Variants in DLG1 observed in about 807,000 individuals in gnomAD.
The protein encoded by DLG1 is discs large MAGUK scaffold protein 1, also known as disks large homolog 1.
In DLG1, 42 loss-of-function variants were observed where a neutral mutation model predicts 123.4. The ratio of observed to expected loss-of-function variants is 0.34; its 90% CI spans 0.27 to 0.44. DLG1 has a LOEUF of 0.44. Among genes scored for constraint, DLG1 ranks in the 20% least tolerant of loss-of-function variants. The pLI is 1.00. For missense variants in DLG1, 942 were observed against 1,082.6 expected (o/e 0.87, Z 1.82); for synonymous variants, 317 against 356.2 (o/e 0.89, Z 1.24).
chr3:197,207,573 A>T (rs1032071679), intron 4 of DLG1, among the ~76,000 whole-genome samples: 5 of 152,220 alleles, frequency 3.3e-5, no homozygotes, highest in African/African-American at 9.6e-5. Context: ...AAAAAAAGAA[A>T]GTCTATAGAT....
rs1158696537 is a variant in DLG1 at position 197,282,710 on chromosome 3, G to C, written c.287C>G (p.Thr96Arg). The change falls in exon 4 of 25, where the codon ACA (threonine) becomes AGA (arginine). Residue 96 changes from threonine (T) to arginine (R), a missense_variant. Physicochemically the swap from Thr to Arg is moderately conservative, Grantham distance 71. Transcript: ENST00000667157. ...SLPSSTVTSETLPSSLSPSVE... is the reference protein window; with the variant it reads ...SLPSSTVTSERLPSSLSPSVE... ...ACTAGGGCTAAGGCTGCTTGGCAGT[G>C]TCTCTGAAGTCACAGTAGAGCTTGG... is the stretch of plus-strand genomic sequence containing the variant. 6.2e-7 allele frequency: 1 copy of C among 1,608,494 alleles called. No individual in the cohort carries two copies. Among genetic ancestry groups the C allele is most frequent in the Non-Finnish European group, 8.5e-7 (1 of 1,178,138 alleles).
intron 10 of DLG1, among the ~76,000 whole-genome samples, chr3:197,133,152 C>G (rs906348495): frequency 2.0e-5 from 3 of 152,196 alleles, no homozygotes; most frequent in African/African-American, 4.8e-5. Context: ...GTCCACGTAA[C>G]TAGCTTTAGC....
chr3:197,244,289 G>A (rs2150770365), intron 4 of DLG1, among the ~76,000 whole-genome samples: 1 of 152,324 alleles, frequency 6.6e-6, no homozygotes, highest in South Asian at 2.1e-4. Flanking sequence ...GTGAGGTGTT[G>A]GAAGGGAACT....
chr3:197,065,225 C>A, intron 22 of DLG1, 51 bp downstream of exon 22: 1 of 1,517,238 alleles, frequency 6.6e-7, no homozygotes, highest in Admixed American at 2.2e-5. Context: ...TGCATACTGT[C>A]AAAGGCATAT....
chr3:197,231,424 C>A (rs1742964051), intron 4 of DLG1, among the ~76,000 whole-genome samples: 1 of 152,092 alleles, frequency 6.6e-6, no homozygotes, highest in Non-Finnish European at 1.5e-5. Flanking sequence ...TAACATACAG[C>A]CAGGTGTGGT....
intron 5 of DLG1, among the ~76,000 whole-genome samples, chr3:197,174,505 A>C (rs1577508499): frequency 6.6e-6 from 1 of 152,222 alleles, no homozygotes; most frequent in Non-Finnish European, 1.5e-5. Flanking sequence ...TTTGGAAAAA[A>C]AGTGATTAAA....
intron 21 of DLG1, 48 bp downstream of exon 21, chr3:197,065,660 A>G: frequency 1.5e-6 from 2 of 1,344,046 alleles, no homozygotes; most frequent in Admixed American, 1.9e-5. Flanking sequence ...ACACAGTGAC[A>G]GGAAATGTTA....
At chr3:197,148,844 C>T (rs974847446) in intron 6 of DLG1, among the ~76,000 whole-genome samples, 5 of 152,042 alleles carry the variant, frequency 3.3e-5, no homozygotes, top group Admixed American at 1.3e-4. Flanking sequence ...ATCATTATCA[C>T]GAAATTGCGG....
Position 197,089,482 on chromosome 3 carries a change from G to A in DLG1, c.1661+1430C>T, listed in dbSNP as rs563821275. Among the ~76,000 whole-genome samples, 12 of 151,002 alleles carry A rather than the reference G, an allele frequency of 7.9e-5. No homozygotes were observed. The South Asian group carries it at 1.9e-3, about 24-fold the overall frequency. On this transcript the variant is annotated intron_variant, in intron 15 of 24. Transcript: ENST00000667157. ...GTTGAGGCTACAGTGAGCTGAGATC[G>A]CGCCACTGCACTTCAGCCTGGGTGA...
At chr3:197,290,462 A>C (rs1394994344) in intron 3 of DLG1, among the ~76,000 whole-genome samples, 1 of 152,114 alleles carries the variant, frequency 6.6e-6, no homozygotes, top group Non-Finnish European at 1.5e-5. Flanking sequence ...TTCAGACAAC[A>C]CCCAACTAGG....
chr3:197,202,137 T>C (rs1726094740), intron 4 of DLG1, among the ~76,000 whole-genome samples: 1 of 152,178 alleles, frequency 6.6e-6, no homozygotes, highest in Non-Finnish European at 1.5e-5. Flanking sequence ...TACCCCACGA[T>C]TATATACAAA....
chr3:197,065,923 C>A, intron 20 of DLG1, 114 bp from the exon 21 acceptor site: 1 of 614,370 alleles, frequency 1.6e-6, no homozygotes. Flanking sequence ...TTTTTCTTCC[C>A]TCTCCATCTC....
chr3:197,058,593 T>C (rs1040528057), intron 23 of DLG1, among the ~76,000 whole-genome samples: 2 of 152,260 alleles, frequency 1.3e-5, no homozygotes, highest in African/African-American at 4.8e-5. Flanking sequence ...GTATTTGTTT[T>C]CTATCCTTTG....
At chr3:197,151,270 CTA>C (rs1172785942) in intron 5 of DLG1, among the ~76,000 whole-genome samples, 1 of 152,134 alleles carries the variant, frequency 6.6e-6, no homozygotes, top group Non-Finnish European at 1.5e-5. Context: ...TTTAAAAACA[CTA>C]TGGCAAGAAA....
intron 4 of DLG1, among the ~76,000 whole-genome samples, chr3:197,249,040 A>G (rs931393827): frequency 2.0e-5 from 3 of 152,238 alleles, no homozygotes; most frequent in Non-Finnish European, 2.9e-5. Context: ...GAACCAGAAA[A>G]GCAAGAACAA....
chr3:197,066,827 C>T, intron 19 of DLG1, 73 bp from the exon 20 acceptor site: 1 of 994,958 alleles, frequency 1.0e-6, no homozygotes, highest in Non-Finnish European at 1.5e-6. Flanking sequence ...TCATAAACAA[C>T]ATATACATTA....
At chr3:197,152,419 C>CG (rs1553962751) in intron 5 of DLG1, among the ~76,000 whole-genome samples, 2 of 94,700 alleles carry the variant, frequency 2.1e-5, no homozygotes, top group Non-Finnish European at 4.0e-5. Flanking sequence ...ATCCCAAAGT[C>CG]TTTTTTTTTT....
At chr3:197,072,753 C>T (rs1297349252) in intron 18 of DLG1, among the ~76,000 whole-genome samples, 2 of 151,718 alleles carry the variant, frequency 1.3e-5, no homozygotes, top group African/African-American at 2.4e-5. Context: ...AGAGCAGTGG[C>T]GTGATCTCGG....
rs570596943 is a variant in DLG1 at position 197,260,750 on chromosome 3, CAAAAAAAAAAAAAA to C, written c.318+21915_318+21928del. Among the ~76,000 whole-genome samples the C allele has an allele frequency of 7.1e-4, 13 of 18,294 alleles. No individual in the cohort carries two copies. In the Admixed American group the frequency reaches 7.4e-3, roughly 10 times the overall value. 12.0% of individuals were successfully genotyped at this position (18,294 alleles called of 152,430 possible). On this transcript the variant is annotated intron_variant, in intron 4 of 24. Coordinates refer to ENST00000667157, the MANE Select transcript of DLG1 (RefSeq NM_001366207.1). ...GTTTGGATACTCAAATGACAACCAC[CAAAAAAAAAAAAAA>C]AAAAAAAAAAAAAAAAAAAATCACT...
Sources: allele counts gnomAD v4.1 joint callset (sites outside exome capture counted in the v4.1 genomes callset), GRCh38; gene constraint gnomAD v4.1.1; transcripts MANE v1.5; gene names NCBI Gene and HGNC (gene_info 2026-07-23, HGNC 2026-07-21).